Variants in ST6GALNAC6 observed in about 807,000 individuals in gnomAD.
ST6GALNAC6 encodes the protein alpha-N-acetylgalactosaminide alpha-2,6-sialyltransferase 6.
Under a neutral mutation model 34.3 loss-of-function variants are expected in ST6GALNAC6, and 19 were observed. The observed-to-expected ratio is 0.55, with a 90% CI of 0.39 to 0.81. ST6GALNAC6 has a LOEUF of 0.81. Among genes scored for constraint, ST6GALNAC6 ranks in the 40% least tolerant of loss-of-function variants. The probability of loss-of-function intolerance (pLI) is 0.00; values close to 1 mark genes in which losing one functional copy is unlikely to be tolerated. For synonymous variants in ST6GALNAC6, 185 were observed against 182.1 expected (o/e 1.02, Z -0.13); for missense variants, 377 against 467.7 (o/e 0.81, Z 1.79).
At chr9:127,901,665 C>T (rs1830764792), upstream of ST6GALNAC6, among the ~76,000 whole-genome samples, 1 of 151,310 alleles carries the variant, frequency 6.6e-6, no homozygotes, top group African/African-American at 2.4e-5. Flanking sequence ...GGTGCGGTGG[C>T]TCAGCCCTGT....
intron 1 of ST6GALNAC6, 39 bp downstream of exon 1, chr9:127,899,458 TCCGCCC>T (rs1830665188): frequency 1.8e-6 from 1 of 559,798 alleles, no homozygotes; most frequent in Non-Finnish European, 2.2e-6. Flanking sequence ...AGCCCCCGCC[TCCGCCC>T]CCGCCCCCGC....
chr9:127,886,459 G>A lies in ST6GALNAC6; in HGVS notation c.*140C>T, dbSNP rs770640210. The stretch of plus-strand genomic sequence containing the variant: ...ATTCCCCAGGCCCTGATTGGCTGGA[G>A]GATACATCCTCCTCAAGGCCCTGAT... On this transcript the variant is annotated 3_prime_UTR_variant, in exon 7 of 7. Coordinates refer to ENST00000373146, the MANE Select transcript of ST6GALNAC6 (RefSeq NM_013443.5). 1.3e-5 allele frequency: 19 copies of A among 1,454,370 alleles called. No individual in the cohort carries two copies. The South Asian group carries it at 2.2e-4, about 17-fold the overall frequency. The allele number at this position is 1,454,370 out of a possible 1,614,324, so 90.1% of individuals were successfully genotyped here.
chr9:127,905,485 G>T (rs1830894188), upstream of ST6GALNAC6: 2 of 975,368 alleles, frequency 2.1e-6, no homozygotes, highest in African/African-American at 3.5e-5. Flanking sequence ...CCTTTTCCCA[G>T]GGGATAGAGA....
intron 1 of ST6GALNAC6, among the ~76,000 whole-genome samples, chr9:127,898,250 G>A (rs1272079231): frequency 6.6e-6 from 1 of 152,038 alleles, no homozygotes; most frequent in Admixed American, 6.5e-5. Context: ...AAAATTAGCT[G>A]GGCGTGGTGG....
Position 127,886,271 on chromosome 9 carries a change from T to C in ST6GALNAC6, c.*328A>G. ...GGGGAGTGATTGGGGGGTCCATTCC[T>C]GGGGCTCTGAACCAAGGCCTCATGG... On this transcript the variant is annotated 3_prime_UTR_variant, in exon 7 of 7. Coordinates refer to ENST00000373146, the MANE Select transcript of ST6GALNAC6 (RefSeq NM_013443.5). 2.0e-6 allele frequency: 1 copy of C among 503,166 alleles called. No homozygotes were observed. The highest frequency in any genetic ancestry group is 3.2e-6 in the Non-Finnish European group (1 of 308,030). 31.2% of individuals were successfully genotyped at this position (503,166 alleles called of 1,614,324 possible).
rs1420950330 is a variant in ST6GALNAC6, at chr9:127,894,591, A to G, written c.218T>C (p.Leu73Pro). Residue 73 changes from leucine (L) to proline (P), a missense_variant, in exon 4 of 7, where the codon CTG becomes CCG. Transcript: ENST00000373146. The stretch of plus-strand genomic sequence containing the variant: ...GACAGGTCGGCGGCTACGGCCCCGC[A>G]GGGAGCCGTAATGGAAGACCTCATT... ...SANEVFHYGS[L>P]RGRSRRPVNL... is the part of the protein sequence containing the mutation. The G allele has an allele frequency of 6.2e-7, 1 of 1,613,984 alleles. No homozygotes were observed.
intron 1 of ST6GALNAC6, among the ~76,000 whole-genome samples, chr9:127,898,454 T>C (rs915436358): frequency 9.9e-5 from 15 of 152,064 alleles, no homozygotes; most frequent in African/African-American, 3.6e-4. Context: ...GAAAAGAAAG[T>C]GCTCCCACAA....
At position 127,891,104 on chromosome 9, in the gene ST6GALNAC6, C is replaced by T. The variant is rs1416888583; in HGVS notation, c.298-61G>A. 5.8e-6 allele frequency: 9 copies of T among 1,564,070 alleles called. No homozygotes were observed. In the African/African-American group the frequency reaches 6.8e-5, roughly 12 times the overall value. On this transcript the variant is annotated intron_variant, in intron 4 of 6. Coordinates refer to ENST00000373146, the MANE Select transcript of ST6GALNAC6 (RefSeq NM_013443.5). ...CTCTGTGCTGGCCCTGTGCTCCATA[C>T]ATCCAGGCCTCCAGGACCCAGGAAT...
At chr9:127,905,982 G>A (rs1467882620), upstream of ST6GALNAC6, 18 of 985,416 alleles carry the variant, frequency 1.8e-5, no homozygotes, top group Non-Finnish European at 2.2e-5. Context: ...CTGTGGCTCC[G>A]CTGCCAGCCT....
intron 1 of ST6GALNAC6, 27 bp downstream of exon 1, chr9:127,899,472 CGCGG>C: frequency 2.1e-6 from 2 of 958,420 alleles, no homozygotes; most frequent in Non-Finnish European, 2.5e-6. Flanking sequence ...CCCCCGCCCC[CGCGG>C]CCTGCTCCCG....
intron 4 of ST6GALNAC6, 83 bp from the exon 5 acceptor site, chr9:127,891,126 G>A: frequency 6.8e-7 from 1 of 1,462,146 alleles, no homozygotes; most frequent in Non-Finnish European, 9.2e-7. Context: ...CAGGACCCAG[G>A]AATTGTTATG....
intron 1 of ST6GALNAC6, chr9:127,905,142 C>G (rs1830884958): frequency 1.1e-6 from 1 of 906,228 alleles, no homozygotes; most frequent in Non-Finnish European, 1.3e-6. Flanking sequence ...AAACAGAGGC[C>G]CAAAGAGTGG....
chr9:127,886,579 G>A lies in ST6GALNAC6; in HGVS notation c.*20C>T. 6.2e-7 allele frequency: 1 copy of A among 1,613,310 alleles called. No individual in the cohort carries two copies. The highest frequency in any genetic ancestry group is 8.5e-7 in the Non-Finnish European group (1 of 1,179,572). On this transcript the variant is annotated 3_prime_UTR_variant, in exon 7 of 7. Transcript: ENST00000373146. Reference sequence around the variant, plus strand: ...GCTGCTTCTCCTCTGACCCTCCTGAGGTCCCACAGGCTGGGTGGCCTAGGT... The same window carrying A: ...GCTGCTTCTCCTCTGACCCTCCTGAAGTCCCACAGGCTGGGTGGCCTAGGT...
Position 127,899,521 on chromosome 9 carries a change from G to A in ST6GALNAC6, c.-48C>T. On this transcript the variant is annotated 5_prime_UTR_variant, in exon 1 of 7. Transcript: ENST00000373146. Reference sequence around the variant, plus strand: ...TGCTCACCTCCGGCGGGGAGCGCCCGGCCCCCCGCGGCCCCCGAGCCCCCT... The same window carrying A: ...TGCTCACCTCCGGCGGGGAGCGCCCAGCCCCCCGCGGCCCCCGAGCCCCCT... 1 of 980,298 alleles carries A rather than the reference G, an allele frequency of 1.0e-6. No homozygotes were observed. Among genetic ancestry groups the A allele is most frequent in the Non-Finnish European group, 1.2e-6 (1 of 827,580 alleles). 60.7% of individuals were successfully genotyped at this position (980,298 alleles called of 1,614,324 possible).
At chr9:127,897,432 C>T in intron 2 of ST6GALNAC6, 1 of 987,060 alleles carries the variant, frequency 1.0e-6, no homozygotes, top group Non-Finnish European at 1.2e-6. Context: ...CCAGAGGAGG[C>T]TTGGCACACA....
At chr9:127,902,635 C>T (rs1041497222), upstream of ST6GALNAC6, among the ~76,000 whole-genome samples, 7 of 151,008 alleles carry the variant, frequency 4.6e-5, no homozygotes, top group African/African-American at 1.7e-4. Context: ...GTTGCCCAGG[C>T]TGGAGTGCAA....
Position 127,890,788 on chromosome 9 carries a change from G to A in ST6GALNAC6, c.553C>T (p.Pro185Ser), listed in dbSNP as rs1263200004. The stretch of plus-strand genomic sequence containing the variant: ...TGGGGCTTCTGCATCTTGCTCGGGG[G>A]CCCCCAGAAGATGAACACGGTTTCA... ...TPETVFIFWG[P>S]PSKMQKPQGS... The change falls in exon 5 of 7, where the codon CCC becomes TCC. Residue 185 changes from proline to serine, a missense_variant. Pro to Ser is a moderately conservative substitution (Grantham distance 74). Transcript: ENST00000373146. This position sits in a 1 kb window ranked among gnomAD's most constrained non-coding sequence, Gnocchi z 4.3. 2.2e-5 allele frequency: 36 copies of A among 1,612,442 alleles called. No homozygotes were observed. The highest frequency in any genetic ancestry group is 3.1e-5 in the Non-Finnish European group (36 of 1,178,612).
intron 5 of ST6GALNAC6, among the ~76,000 whole-genome samples, chr9:127,889,077 G>C (rs992638226): frequency 6.6e-6 from 1 of 152,072 alleles, no homozygotes; most frequent in African/African-American, 2.4e-5. Flanking sequence ...GGCTGGGCAC[G>C]GTGGCTCACG....
At chr9:127,904,359 C>A (rs112427775), upstream of ST6GALNAC6, 71 of 152,564 alleles carry the variant, frequency 4.7e-4, no homozygotes, top group African/African-American at 1.6e-3. Flanking sequence ...CCTCCCCCCC[C>A]CAGCCCTTCC....
Sources: allele counts gnomAD v4.1 joint callset (sites outside exome capture counted in the v4.1 genomes callset), GRCh38; gene constraint gnomAD v4.1.1; non-coding constraint Gnocchi (gnomAD v3.1); transcripts MANE v1.5; gene names NCBI Gene and HGNC (gene_info 2026-07-23, HGNC 2026-07-21).